The following PSG8 variants were observed in gnomAD, a reference collection of about 807,000 sequenced individuals.
The protein encoded by PSG8 is pregnancy specific beta-1-glycoprotein 8.
PSG8 carries 57 observed loss-of-function variants against 42.5 expected under a neutral mutation model. The ratio of observed to expected loss-of-function variants is 1.34; its 90% CI spans 1.08 to 1.67. PSG8 has a LOEUF of 1.67. PSG8 is among the 40% of genes most tolerant of loss of function. The pLI is 0.00. For synonymous variants in PSG8, 280 were observed against 196.8 expected, an observed-to-expected ratio of 1.42 and a Z score of -3.54; for missense variants, 783 against 518.6, an observed-to-expected ratio of 1.51 and a Z score of -4.95.
chr19:42,755,396 T>G (rs1969899119), intron 3 of PSG8, 130 bp from the exon 4 acceptor site: 19 of 1,503,414 alleles, frequency 1.3e-5, no homozygotes, highest in Non-Finnish European at 1.7e-5. Context: ...AGCTGGTGCG[T>G]GTGTCACAAG....
chr19:42,755,022 G>C lies in PSG8; in HGVS notation c.954C>G (p.Gly318=). Reference sequence around the variant, plus strand: ...TCAGGGTGACTGGGTAACTGCGGATGCCACCATATTGGTCCCTTATTTCAC... The same window carrying C: ...TCAGGGTGACTGGGTAACTGCGGATCCCACCATATTGGTCCCTTATTTCAC... The part of the protein sequence containing the change: ...YQCEIRDQYG[G]IRSYPVTLNV... Residue 318 remains glycine, a synonymous_variant, in exon 4 of 5, where the codon GGC becomes GGG. Transcript: ENST00000306511. 1 of 1,613,328 alleles carries C rather than the reference G, an allele frequency of 6.2e-7. No individual in the cohort carries two copies. The highest frequency in any genetic ancestry group is 8.5e-7 in the Non-Finnish European group (1 of 1,179,762).
downstream of PSG8, chr19:42,753,224 C>T (rs948251195): frequency 6.1e-5 from 47 of 773,696 alleles, 1 homozygote; most frequent in African/African-American, 5.1e-4. Flanking sequence ...GAGTGGCTCA[C>T]CCTTCAGGTA....
At chr19:42,764,801 G>C (rs1227826473) in intron 1 of PSG8, among the ~76,000 whole-genome samples, 11 of 152,032 alleles carry the variant, frequency 7.2e-5, no homozygotes, top group Non-Finnish European at 1.3e-4. Context: ...TTGTGATCTT[G>C]GTTGCACCCC....
chr19:42,752,705 AT>A (rs1413909821), downstream of PSG8: 1 of 160,274 alleles, frequency 6.2e-6, no homozygotes, highest in African/African-American at 2.4e-5. Context: ...AATGTGGTAC[AT>A]GTTTTATTCT....
At position 42,764,052 on chromosome 19, in the gene PSG8, T is replaced by G. The variant is rs1714531125; in HGVS notation, c.294A>C (p.Arg98=). 6.2e-7 allele frequency: 1 copy of G among 1,613,814 alleles called. No individual in the cohort carries two copies. Among genetic ancestry groups the G allele is most frequent in the Non-Finnish European group, 8.5e-7 (1 of 1,179,872 alleles). ...GGGATGCATTGGAATATATTGTTTC[T>G]CGTCCACTGTATGCAGGCCCATATA... ...IIIYGPAYSG[R]ETIYSNASLL... The change falls in exon 2 of 5, where the codon CGA becomes CGC. Residue 98 remains arginine, a synonymous_variant. Coordinates refer to ENST00000306511, the MANE Select transcript of PSG8 (RefSeq NM_182707.3).
chr19:42,758,320 CT>C, intron 2 of PSG8, 40 bp from the exon 3 acceptor site: 1 of 1,594,544 alleles, frequency 6.3e-7, no homozygotes, highest in Non-Finnish European at 8.5e-7. Flanking sequence ...TGTGTGGCAC[CT>C]TTGATTCCTC....
At chr19:42,764,693 T>C (rs897658165) in intron 1 of PSG8, among the ~76,000 whole-genome samples, 10 of 152,088 alleles carry the variant, frequency 6.6e-5, no homozygotes, top group African/African-American at 2.2e-4. Context: ...CTCTGCTCCC[T>C]CCAGGGTTCT....
At chr19:42,760,096 AG>A (rs1164065748) in intron 2 of PSG8, among the ~76,000 whole-genome samples, 1 of 152,202 alleles carries the variant, frequency 6.6e-6, no homozygotes, top group Non-Finnish European at 1.5e-5. Context: ...ACCCCAAAAC[AG>A]GTATGTGAAA....
downstream of PSG8, chr19:42,752,923 A>T: frequency 3.2e-6 from 1 of 310,208 alleles, no homozygotes; most frequent in African/African-American, 2.2e-5. Flanking sequence ...AGAGAGCCAC[A>T]TTTCCCCCTG....
intron 2 of PSG8, among the ~76,000 whole-genome samples, chr19:42,760,804 T>C (rs1272082968): frequency 6.6e-6 from 1 of 152,086 alleles, no homozygotes; most frequent in East Asian, 1.9e-4. Context: ...GGATGGTCTC[T>C]ATCTCCTGAC....
intron 2 of PSG8, among the ~76,000 whole-genome samples, chr19:42,759,676 T>C (rs974382703): frequency 6.6e-6 from 1 of 152,144 alleles, no homozygotes. Flanking sequence ...AATTTTCCCA[T>C]AAAAAGTTGT....
chr19:42,758,036 G>T lies in PSG8; in HGVS notation c.675C>A (p.Ala225=). The part of the protein sequence containing the change: ...YECEIRNPVS[A]SRSDPFTLNL... Reference sequence around the variant, plus strand: ...TCAGGGTGAATGGGTCACTGCGGCTGGCACTCACTGGGTTCCGTATTTCAC... The same window carrying T: ...TCAGGGTGAATGGGTCACTGCGGCTTGCACTCACTGGGTTCCGTATTTCAC... Residue 225 remains alanine (A), a synonymous_variant, in exon 3 of 5, where the codon GCC becomes GCA. Transcript: ENST00000306511. 1 of 1,614,040 alleles carries T rather than the reference G, an allele frequency of 6.2e-7. No individual in the cohort carries two copies. Among genetic ancestry groups the T allele is most frequent in the Non-Finnish European group, 8.5e-7 (1 of 1,179,958 alleles).
intron 1 of PSG8, 146 bp downstream of exon 1, chr19:42,765,372 T>G (rs1258446190): frequency 1.3e-5 from 17 of 1,325,920 alleles, no homozygotes; most frequent in Admixed American, 1.3e-4. Flanking sequence ...CAGACTGATC[T>G]TGAACTCCTG....
At chr19:42,756,743 G>T (rs1415441885) in intron 3 of PSG8, among the ~76,000 whole-genome samples, 2 of 152,000 alleles carry the variant, frequency 1.3e-5, no homozygotes, top group African/African-American at 4.8e-5. Context: ...AAGGCTGATT[G>T]CTATTTTCTA....
chr19:42,763,100 G>T (rs529301740), intron 2 of PSG8, among the ~76,000 whole-genome samples: 1 of 152,274 alleles, frequency 6.6e-6, no homozygotes, highest in South Asian at 2.1e-4. Context: ...CTGACCTAAT[G>T]CTTGGCACAG....
At position 42,764,008 on chromosome 19, in the gene PSG8, G is replaced by A; in HGVS notation, c.338C>T (p.Thr113Ile). 7 of 1,612,522 alleles carry A rather than the reference G, an allele frequency of 4.3e-6. No individual in the cohort carries two copies. Among genetic ancestry groups the A allele is most frequent in the South Asian group, 1.1e-5 (1 of 91,018 alleles). The change falls in exon 2 of 5, where the codon ACC becomes ATC. Residue 113 changes from threonine to isoleucine, a missense_variant. Thr to Ile is a moderately conservative substitution (Grantham distance 89, BLOSUM62 -1). Coordinates refer to ENST00000306511, the MANE Select transcript of PSG8 (RefSeq NM_182707.3). ...GGTGTAGGATCCTGCGTCTTCCTGG[G>A]TGACATTCTGGATCAGCAGGGATGC... Reference protein sequence around the residue: ...SNASLLIQNVTQEDAGSYTLH... With the variant: ...SNASLLIQNVIQEDAGSYTLH...
chr19:42,754,460 A>G lies in PSG8; in HGVS notation c.1116T>C (p.Phe372=). ...AQYSWTINGK[F]QLSGQKLFIP... ...TAAAGAGCTTTTGTCCTGATAGCTG[A>G]AACTTCCCATTAATTGTCCAAGAAT... Residue 372 remains phenylalanine (F), a synonymous_variant, in exon 5 of 5, where the codon TTT becomes TTC. Coordinates refer to ENST00000306511, the MANE Select transcript of PSG8 (RefSeq NM_182707.3). 1 of 1,613,928 alleles carries G rather than the reference A, an allele frequency of 6.2e-7. No individual in the cohort carries two copies. The highest frequency in any genetic ancestry group is 2.2e-5 in the East Asian group (1 of 44,888).
At position 42,755,225 on chromosome 19, in the gene PSG8, G is replaced by C; in HGVS notation, c.751C>G (p.Pro251Ala). The C allele has an allele frequency of 1.9e-6, 3 of 1,612,120 alleles. No individual in the cohort carries two copies. The highest frequency in any genetic ancestry group is 3.3e-5 in the Admixed American group (2 of 60,014). ...KPYITINNLK[P>A]RENKDVLNFT... ...TTTAAGACATCCTTATTCTCCCTGG[G>C]TTTTAAGTTGTTGATGGTGATGTAG... Residue 251 changes from proline to alanine, a missense_variant, in exon 4 of 5, where the codon CCC becomes GCC. Pro to Ala is a conservative substitution (Grantham distance 27). Coordinates refer to ENST00000306511, the MANE Select transcript of PSG8 (RefSeq NM_182707.3).
chr19:42,758,329 C>A, intron 2 of PSG8, 49 bp from the exon 3 acceptor site: 1 of 1,582,768 alleles, frequency 6.3e-7, no homozygotes, highest in Non-Finnish European at 8.6e-7. Context: ...CCTTTGATTC[C>A]TCCAAAGGCA....
Sources: allele counts gnomAD v4.1 joint callset (sites outside exome capture counted in the v4.1 genomes callset), GRCh38; gene constraint gnomAD v4.1.1; transcripts MANE v1.5; gene names NCBI Gene and HGNC (gene_info 2026-07-23, HGNC 2026-07-21).